ZNF443: variants seen among roughly 807,000 people sequenced by gnomAD.
ZNF443 encodes the protein Kruppel-type zinc finger (C2H2).
In ZNF443, 3 loss-of-function variants were observed where a neutral mutation model predicts 12.0. That is an observed-to-expected ratio of 0.25 (90% confidence interval 0.11 to 0.64). The LOEUF (loss-of-function observed/expected upper bound fraction) is 0.64. Among genes scored for constraint, ZNF443 ranks in the 30% least tolerant of loss-of-function variants. The pLI is 0.84. For missense variants in ZNF443, 770 were observed against 808.8 expected (o/e 0.95, Z 0.58); for synonymous variants, 225 against 265.9 (o/e 0.85, Z 1.50).
chr19:12,431,840 T>A lies in ZNF443; in HGVS notation c.332A>T (p.Lys111Ile), dbSNP rs28599549. The A allele has an allele frequency of 0.3, 483,995 of 1,613,434 alleles. 75,624 individuals are homozygous for A. Among genetic ancestry groups the A allele is most frequent in the South Asian group, 0.47 (42,705 of 91,048 alleles). ...ATTAAGGGATGAATGACCCATGACT[T>A]TTTCTCCTCTCATACTGCTTTCACA... ...GPCESSMRGE[K>I]VMGHSSLNCY... Residue 111 changes from lysine to isoleucine, a missense_variant, in exon 4 of 4, where the codon AAA (lysine) becomes ATA (isoleucine). Physicochemically the swap from Lys to Ile is moderately radical, Grantham distance 102. Transcript: ENST00000301547.
chr19:12,439,835 T>C (rs1372367584), intron 1 of ZNF443, among the ~76,000 whole-genome samples: 1 of 152,062 alleles, frequency 6.6e-6, no homozygotes, highest in Non-Finnish European at 1.5e-5. Flanking sequence ...CATTGCTAGC[T>C]GAAAACAAGA....
rs1411199439 is a variant in ZNF443, at chr19:12,430,599, T to A, written c.1573A>T (p.Thr525Ser). 1 of 1,613,914 alleles carries A rather than the reference T, an allele frequency of 6.2e-7. No individual in the cohort carries two copies. The highest frequency in any genetic ancestry group is 2.2e-5 in the East Asian group (1 of 44,874). Residue 525 changes from threonine to serine, a missense_variant, in exon 4 of 4, where the codon ACT becomes TCT. Thr to Ser is a moderately conservative substitution (Grantham distance 58). This residue lies in a region of ZNF443 where 736 missense variants were observed against 689.4 expected (regional missense o/e 1.07). Coordinates refer to ENST00000301547, the MANE Select transcript of ZNF443 (RefSeq NM_005815.5). ...TCATAAGGTTTCTCTCCTGTGTGAG[T>A]CCTTTTATGTCGAGAAAGGTATCTG... ...RFRYLSRHKR[T>S]HTGEKPYECK...
In ZNF443 at chr19:12,437,248, TAA is replaced by T. The variant is rs71166678; in HGVS notation, c.3+3662_3+3663del. Among the ~76,000 whole-genome samples the T allele has an allele frequency of 2.0e-3, 302 of 149,366 alleles. 4 individuals are homozygous for T. Among genetic ancestry groups the T allele is most frequent in the Non-Finnish European group, 4.6e-4 (31 of 67,246 alleles). ...CGAAACGTGTAAAAAATTAAATAAA[TAA>T]AAAAAAAATTAGCCAGGTGTGGTGG... On this transcript the variant is annotated intron_variant, in intron 1 of 3. Transcript: ENST00000301547.
In ZNF443 at chr19:12,431,886, T is replaced by C; in HGVS notation, c.286A>G (p.Thr96Ala). The change falls in exon 4 of 4, where the codon ACT becomes GCT. Residue 96 changes from threonine to alanine, a missense_variant. By Grantham distance (58) the Thr-to-Ala change is moderately conservative (BLOSUM62 0). This residue lies in a region of ZNF443 where 736 missense variants were observed against 689.4 expected (regional missense o/e 1.07). Coordinates refer to ENST00000301547, the MANE Select transcript of ZNF443 (RefSeq NM_005815.5). ...QIQDSIVTKN[T>A]LPGVGPCESS... Reference sequence around the variant, plus strand: ...TCACAAGGACCTACTCCAGGAAGAGTGTTCTTGGTCACAATACTATCTTGA... The same window carrying C: ...TCACAAGGACCTACTCCAGGAAGAGCGTTCTTGGTCACAATACTATCTTGA... 1.2e-6 allele frequency: 2 copies of C among 1,613,958 alleles called. No individual in the cohort carries two copies. Among genetic ancestry groups the C allele is most frequent in the South Asian group, 1.1e-5 (1 of 91,058 alleles).
rs1393433850 is a variant in ZNF443 at position 12,431,258 on chromosome 19, C to A, written c.914G>T (p.Gly305Val). Residue 305 changes from glycine to valine, a missense_variant, in exon 4 of 4, where the codon GGA (glycine) becomes GTA (valine). This residue lies in a region of ZNF443 where 736 missense variants were observed against 689.4 expected (regional missense o/e 1.07). Transcript: ENST00000301547. ...SCLIHERTHT[G>V]EKPYTCKQCG... ...TTGTTTACATGTATAGGGTTTCTCTCCAGTGTGAGTTCTTTCATGTATTAG... is the reference window on the plus strand; with the variant it reads ...TTGTTTACATGTATAGGGTTTCTCTACAGTGTGAGTTCTTTCATGTATTAG... The A allele has an allele frequency of 6.2e-7, 1 of 1,614,088 alleles. No homozygotes were observed. Among genetic ancestry groups the A allele is most frequent in the Admixed American group, 1.7e-5 (1 of 60,014 alleles).
intron 1 of ZNF443, among the ~76,000 whole-genome samples, chr19:12,437,020 C>T (rs1162012526): frequency 3.3e-5 from 5 of 151,322 alleles, no homozygotes; most frequent in African/African-American, 1.2e-4. Flanking sequence ...AAAGCCAGTA[C>T]AGTGTTACTT....
chr19:12,434,163 G>A (rs1158875900), intron 1 of ZNF443, among the ~76,000 whole-genome samples: 1 of 152,168 alleles, frequency 6.6e-6, no homozygotes, highest in Non-Finnish European at 1.5e-5. Flanking sequence ...CAGTAATTCT[G>A]TTATGAATTA....
chr19:12,437,689 GCAAGAAAACTATTTTTTTTATTCTCT>G (rs1289160393), intron 1 of ZNF443, among the ~76,000 whole-genome samples: 25 of 152,212 alleles, frequency 1.6e-4, no homozygotes, highest in African/African-American at 4.8e-4. Context: ...ACCAATGTGT[GCAAGAAAACTATTTTTTTTATTCTCT>G]CAAGAAAACT....
intron 1 of ZNF443, among the ~76,000 whole-genome samples, chr19:12,438,208 A>G (rs1970333001): frequency 6.6e-6 from 1 of 152,200 alleles, no homozygotes; most frequent in African/African-American, 2.4e-5. Context: ...ATGGATATTT[A>G]AAAACAAAAT....
At chr19:12,432,096 CT>C in intron 3 of ZNF443, 116 bp from the exon 4 acceptor site, 1 of 975,886 alleles carries the variant, frequency 1.0e-6, no homozygotes, top group Non-Finnish European at 1.4e-6. Flanking sequence ...GCTTCGTGTC[CT>C]GCTTGAATGT....
intron 3 of ZNF443, 46 bp from the exon 4 acceptor site, chr19:12,432,026 A>G: frequency 7.1e-7 from 1 of 1,403,042 alleles, no homozygotes; most frequent in Non-Finnish European, 9.6e-7. Flanking sequence ...TCTATAAATA[A>G]TTGTATAGGT....
At chr19:12,432,195 T>C (rs1332344130) in intron 3 of ZNF443, 182 bp downstream of exon 3, 1 of 641,382 alleles carries the variant, frequency 1.6e-6, no homozygotes. Flanking sequence ...ATTGTTGTCA[T>C]GGGAACTAAT....
Position 12,430,528 on chromosome 19 carries a change from C to T in ZNF443, c.1644G>A (p.Lys548=), listed in dbSNP as rs1334825969. Residue 548 remains lysine (K), a synonymous_variant, in exon 4 of 4, where the codon AAG becomes AAA. Transcript: ENST00000301547. ...RKAFGHYDNL[K]VHERIHSGEK... The stretch of plus-strand genomic sequence containing the variant: ...CTCCAGAGTGAATTCTTTCATGTAC[C>T]TTTAAGTTATCATAATGACCGAAGG... 15 of 1,613,694 alleles carry T rather than the reference C, an allele frequency of 9.3e-6. No individual in the cohort carries two copies. Among genetic ancestry groups the T allele is most frequent in the Non-Finnish European group, 1.3e-5 (15 of 1,179,948 alleles).
intron 1 of ZNF443, among the ~76,000 whole-genome samples, chr19:12,440,077 A>T (rs1308794907): frequency 6.6e-6 from 1 of 152,072 alleles, no homozygotes; most frequent in Non-Finnish European, 1.5e-5. Flanking sequence ...ACTGAGGACC[A>T]CGGAAACCAC....
At position 12,430,927 on chromosome 19, in the gene ZNF443, G is replaced by A. The variant is rs769097032; in HGVS notation, c.1245C>T (p.His415=). The change falls in exon 4 of 4, where the codon CAC becomes CAT. Residue 415 remains histidine, a synonymous_variant. Coordinates refer to ENST00000301547, the MANE Select transcript of ZNF443 (RefSeq NM_005815.5). ...TGCATTTATGAGGTCCATCTCCAGT[G>A]TGCATTATCATATGACTTCGAAAGC... The part of the protein sequence containing the change: ...RSSFRSHMIM[H]TGDGPHKCKV... 1 of 1,614,000 alleles carries A rather than the reference G, an allele frequency of 6.2e-7. No homozygotes were observed. The highest frequency in any genetic ancestry group is 8.5e-7 in the Non-Finnish European group (1 of 1,179,982).
rs972325422 is a variant in ZNF443, at chr19:12,440,814, A to G, written c.3+98T>C. On this transcript the variant is annotated intron_variant, in intron 1 of 3. Coordinates refer to ENST00000301547, the MANE Select transcript of ZNF443 (RefSeq NM_005815.5). ...GGGGGACCCGGGTCCGTAGATCCCGAAGTCGCCCTTGGGGAGGCCCGGGTC... is the reference window on the plus strand; with the variant it reads ...GGGGGACCCGGGTCCGTAGATCCCGGAGTCGCCCTTGGGGAGGCCCGGGTC... 70 of 1,600,980 alleles carry G rather than the reference A, an allele frequency of 4.4e-5. No individual in the cohort carries two copies. In the East Asian group the frequency reaches 8.3e-4, roughly 19 times the overall value.
Position 12,431,856 on chromosome 19 carries a change from T to A in ZNF443, c.316A>T (p.Ser106Cys). ...TLPGVGPCES[S>C]MRGEKVMGHS... ...CCCATGACTTTTTCTCCTCTCATAC[T>A]GCTTTCACAAGGACCTACTCCAGGA... The change falls in exon 4 of 4, where the codon AGT (serine) becomes TGT (cysteine). Residue 106 changes from serine (S) to cysteine (C), a missense_variant. Physicochemically the swap from Ser to Cys is moderately radical, Grantham distance 112. Transcript: ENST00000301547. 6.2e-7 allele frequency: 1 copy of A among 1,614,152 alleles called. No individual in the cohort carries two copies. The highest frequency in any genetic ancestry group is 1.1e-5 in the South Asian group (1 of 91,068).
In ZNF443 at chr19:12,431,783, G is replaced by A; in HGVS notation, c.389C>T (p.Pro130Leu). 1.9e-6 allele frequency: 3 copies of A among 1,614,104 alleles called. No individual in the cohort carries two copies. The highest frequency in any genetic ancestry group is 2.5e-6 in the Non-Finnish European group (3 of 1,179,992). The change falls in exon 4 of 4, where the codon CCA becomes CTA. Residue 130 changes from proline to leucine, a missense_variant. By Grantham distance (98) the Pro-to-Leu change is moderately conservative. Transcript: ENST00000301547. The part of the protein sequence containing the change: ...CYIRVGAGHK[P>L]HEYHECGEKP... ...CTCTCCACATTCATGATACTCATGT[G>A]GTTTGTGCCCAGCACCAACTCTGAT...
At position 12,431,861 on chromosome 19, in the gene ZNF443, T is replaced by C. The variant is rs1970259392; in HGVS notation, c.311A>G (p.Glu104Gly). 1 of 1,614,040 alleles carries C rather than the reference T, an allele frequency of 6.2e-7. No individual in the cohort carries two copies. The highest frequency in any genetic ancestry group is 1.7e-5 in the Admixed American group (1 of 60,006). ...KNTLPGVGPC[E>G]SSMRGEKVMG... The stretch of plus-strand genomic sequence containing the variant: ...GACTTTTTCTCCTCTCATACTGCTT[T>C]CACAAGGACCTACTCCAGGAAGAGT... Residue 104 changes from glutamate to glycine, a missense_variant, in exon 4 of 4, where the codon GAA (glutamate) becomes GGA (glycine). Physicochemically the swap from Glu to Gly is moderately conservative, Grantham distance 98. Transcript: ENST00000301547.
Sources: gnomAD v4.1 joint callset for allele counts (sites outside exome capture counted in the v4.1 genomes callset) on GRCh38, gnomAD v4.1.1 for gene constraint, gnomAD v4.1.1 regional missense constraint, MANE v1.5 for transcripts, NCBI Gene and HGNC (gene_info 2026-07-23, HGNC 2026-07-21) for gene names.